PRKDC: variants seen among roughly 807,000 people sequenced by gnomAD.
The protein encoded by PRKDC is protein kinase, DNA-activated, catalytic subunit, also known as DNA-dependent protein kinase catalytic subunit.
Under a neutral mutation model 486.9 loss-of-function variants are expected in PRKDC, and 82 were observed. The ratio of observed to expected loss-of-function variants is 0.17; its 90% CI spans 0.14 to 0.20. The LOEUF (loss-of-function observed/expected upper bound fraction) is 0.20. Among genes scored for constraint, PRKDC ranks in the 10% least tolerant of loss-of-function variants. The pLI, the probability that PRKDC is intolerant of heterozygous loss-of-function variation, is 1.00. For synonymous variants in PRKDC, 1,895 were observed against 1,837.0 expected (o/e 1.03, Z -0.81); for missense variants, 4,504 against 5,038.2 (o/e 0.89, Z 3.21).
At chr8:47,864,906 C>A in intron 40 of PRKDC, 143 bp from the exon 41 acceptor site, 2 of 662,122 alleles carry the variant, frequency 3.0e-6, no homozygotes, top group Non-Finnish European at 4.7e-6. Flanking sequence ...GCAAAATCCA[C>A]AAAACACAAA....
chr8:47,839,056 A>C, intron 56 of PRKDC, 92 bp downstream of exon 56: 1 of 969,880 alleles, frequency 1.0e-6, no homozygotes, highest in East Asian at 2.5e-5. Context: ...AATACTGCAA[A>C]TACATTTCTA....
chr8:47,943,284 C>T lies in PRKDC; in HGVS notation c.891G>A (p.Leu297=), dbSNP rs368582259. The T allele has an allele frequency of 6.1e-5, 98 of 1,612,520 alleles. No homozygotes were observed. The highest frequency in any genetic ancestry group is 8.1e-5 in the Non-Finnish European group (95 of 1,179,264). Residue 297 remains leucine, a synonymous_variant, in exon 10 of 86, where the codon TTG becomes TTA. Transcript: ENST00000314191. Reference sequence around the variant, plus strand: ...CATTTGTGTGGGCACACCACTTTAACAAGACTTCAAATAGAGACACGTAGT... The same window carrying T: ...CATTTGTGTGGGCACACCACTTTAATAAGACTTCAAATAGAGACACGTAGT... The part of the protein sequence containing the change: ...LDNYVSLFEV[L]LKWCAHTNVE...
intron 10 of PRKDC, among the ~76,000 whole-genome samples, chr8:47,940,471 C>T (rs2090425863): frequency 6.6e-6 from 1 of 152,174 alleles, no homozygotes; most frequent in South Asian, 2.1e-4. Context: ...CTTATCCATA[C>T]ACTTCCCAAT....
rs577792627 is a variant in PRKDC at position 47,933,215 on chromosome 8, A to T, written c.1624-43T>A. On this transcript the variant is annotated intron_variant, in intron 15 of 85. Coordinates refer to ENST00000314191, the MANE Select transcript of PRKDC (RefSeq NM_006904.7). Reference sequence around the variant, plus strand: ...CAATAAACTTCAAAATCTTGTGCAAAAATGTATTAGTATTTTATAAGCATT... The same window carrying T: ...CAATAAACTTCAAAATCTTGTGCAATAATGTATTAGTATTTTATAAGCATT... 7.7e-5 allele frequency: 108 copies of T among 1,399,748 alleles called. 2 individuals carry two copies. The East Asian group carries it at 8.5e-4, about 11-fold the overall frequency. 86.7% of individuals were successfully genotyped at this position (1,399,748 alleles called of 1,614,324 possible). A position where few individuals can be genotyped will look rare whatever the true frequency, so the allele number is the denominator to read the frequency against.
intron 38 of PRKDC, among the ~76,000 whole-genome samples, chr8:47,881,139 C>T (rs2089207200): frequency 6.6e-6 from 1 of 151,870 alleles, no homozygotes; most frequent in South Asian, 2.1e-4. Flanking sequence ...CTTGGAGAGG[C>T]ACACTGAACT....
intron 25 of PRKDC, among the ~76,000 whole-genome samples, chr8:47,907,100 G>A (rs1028364394): frequency 2.0e-5 from 3 of 150,862 alleles, no homozygotes; most frequent in Admixed American, 6.9e-5. Flanking sequence ...GTGCAGTGGC[G>A]CGCAGTCTCT....
intron 40 of PRKDC, among the ~76,000 whole-genome samples, chr8:47,875,666 C>T (rs1010117023): frequency 6.6e-6 from 1 of 152,076 alleles, no homozygotes; most frequent in Non-Finnish European, 1.5e-5. Flanking sequence ...CTTATTTCAC[C>T]CAAGGGCTAT....
Position 47,784,062 on chromosome 8 carries a change from T to C in PRKDC, c.11108-253A>G, listed in dbSNP as rs1053693657. 7 of 419,960 alleles carry C rather than the reference T, an allele frequency of 1.7e-5. No homozygotes were observed. In the East Asian group the frequency reaches 1.8e-4, roughly 11 times the overall value. 26.0% of individuals were successfully genotyped at this position (419,960 alleles called of 1,614,324 possible). ...TCATGAGGTCAGGAGACAGAGACCATCCTGGCTTACATGGTGAAGCCCCGT... is the reference window on the plus strand; with the variant it reads ...TCATGAGGTCAGGAGACAGAGACCACCCTGGCTTACATGGTGAAGCCCCGT... On this transcript the variant is annotated intron_variant, in intron 77 of 85. Coordinates refer to ENST00000314191, the MANE Select transcript of PRKDC (RefSeq NM_006904.7).
At chr8:47,941,181 A>C (rs1473900143) in intron 10 of PRKDC, among the ~76,000 whole-genome samples, 2 of 152,012 alleles carry the variant, frequency 1.3e-5, no homozygotes, top group African/African-American at 4.8e-5. Context: ...CATCATATAG[A>C]TGTCACTGTG....
chr8:47,918,594 T>C (rs938128057), intron 21 of PRKDC, among the ~76,000 whole-genome samples: 5 of 152,234 alleles, frequency 3.3e-5, no homozygotes, highest in African/African-American at 1.2e-4. Flanking sequence ...GGGAAGTGTC[T>C]GACTCCAGGG....
chr8:47,880,560 C>T (rs983121345), intron 38 of PRKDC, among the ~76,000 whole-genome samples: 14 of 152,090 alleles, frequency 9.2e-5, no homozygotes, highest in African/African-American at 3.4e-4. Flanking sequence ...TCTAATTGTT[C>T]TAGGACTTTA....
intron 25 of PRKDC, among the ~76,000 whole-genome samples, chr8:47,911,301 G>A (rs1304274091): frequency 6.6e-6 from 1 of 152,248 alleles, no homozygotes; most frequent in Non-Finnish European, 1.5e-5. Context: ...ATGCTCCCAT[G>A]CTGGGTGGAA....
At chr8:47,915,260 G>T in intron 23 of PRKDC, 68 bp downstream of exon 23, 4 of 852,162 alleles carry the variant, frequency 4.7e-6, no homozygotes, top group Non-Finnish European at 7.3e-6. Flanking sequence ...AATATATTAT[G>T]ACCTGGATAC....
At chr8:47,940,695 C>T (rs1484291993) in intron 10 of PRKDC, among the ~76,000 whole-genome samples, 1 of 152,124 alleles carries the variant, frequency 6.6e-6, no homozygotes, top group Non-Finnish European at 1.5e-5. Flanking sequence ...TTATTGTATT[C>T]CCAGTAAGCA....
intron 51 of PRKDC, among the ~76,000 whole-genome samples, 188 bp downstream of exon 51, chr8:47,853,895 G>A (rs2088474638): frequency 6.6e-6 from 1 of 152,098 alleles, no homozygotes. Flanking sequence ...TGAACTCCTG[G>A]ACTCAAGCAA....
At chr8:47,860,762 A>G (rs2088659294) in intron 45 of PRKDC, 137 bp downstream of exon 45, 2 of 612,058 alleles carry the variant, frequency 3.3e-6, no homozygotes, top group Admixed American at 3.8e-5. Context: ...TTCAAAGTCA[A>G]TTTCAATGTT....
intron 7 of PRKDC, among the ~76,000 whole-genome samples, chr8:47,945,714 G>A (rs2090522250): frequency 6.6e-6 from 1 of 151,940 alleles, no homozygotes. Context: ...AGGAACATAG[G>A]TGTGAAAATT....
chr8:47,915,839 A>G (rs1291605838), intron 22 of PRKDC, among the ~76,000 whole-genome samples: 8 of 152,194 alleles, frequency 5.3e-5, no homozygotes. Context: ...AAGAAATTTT[A>G]AATAGTCTTT....
intron 29 of PRKDC, 94 bp from the exon 30 acceptor site, chr8:47,897,388 C>T (rs2089599920): frequency 1.6e-6 from 2 of 1,237,186 alleles, no homozygotes; most frequent in East Asian, 4.8e-5. Flanking sequence ...CTTTATCACA[C>T]AGATATATGT....
Sources: allele counts gnomAD v4.1 joint callset (sites outside exome capture counted in the v4.1 genomes callset), GRCh38; gene constraint gnomAD v4.1.1; transcripts MANE v1.5; gene names NCBI Gene and HGNC (gene_info 2026-07-23, HGNC 2026-07-21).